ZNF528: variants seen among roughly 807,000 people sequenced by gnomAD.
The protein encoded by ZNF528 is zinc finger protein 528.
Under a neutral mutation model 13.3 loss-of-function variants are expected in ZNF528, and 9 were observed. The ratio of observed to expected loss-of-function variants is 0.67; its 90% CI spans 0.41 to 1.18. The LOEUF is 1.18. Ranked by LOEUF, ZNF528 falls within the 50% of genes most tolerant of loss-of-function variation. The probability of loss-of-function intolerance (pLI) is 0.01; values close to 1 mark genes in which losing one functional copy is unlikely to be tolerated. For missense variants in ZNF528, 858 were observed against 745.4 expected (o/e 1.15, Z -1.76); for synonymous variants, 264 against 254.3 (o/e 1.04, Z -0.36).
At chr19:52,415,082 A>G in intron 6 of ZNF528, 42 bp from the exon 7 acceptor site, 2 of 1,612,284 alleles carry the variant, frequency 1.2e-6, no homozygotes, top group Non-Finnish European at 1.7e-6. Context: ...TAAAGATGCC[A>G]TTATCATGGG....
intron 6 of ZNF528, 52 bp downstream of exon 6, chr19:52,406,695 A>G: frequency 6.4e-7 from 1 of 1,573,124 alleles, no homozygotes; most frequent in Non-Finnish European, 8.6e-7. Context: ...GTTTTTTGAG[A>G]CAGGGTCTAA....
Position 52,406,663 on chromosome 19 carries a change from G to T in ZNF528, c.271+20G>T. 1 of 1,599,134 alleles carries T rather than the reference G, an allele frequency of 6.3e-7. No homozygotes were observed. The highest frequency in any genetic ancestry group is 8.5e-7 in the Non-Finnish European group (1 of 1,175,114). ...ACACAGGTGAGAGCTCGGGTGGGCA[G>T]AGTGGAGGCCCCATAATTTTTGTTT... On this transcript the variant is annotated intron_variant, in intron 6 of 6. Coordinates refer to ENST00000360465, the MANE Select transcript of ZNF528 (RefSeq NM_032423.3).
At position 52,417,188 on chromosome 19, in the gene ZNF528, T is replaced by C; in HGVS notation, c.*449T>C. 3.9e-6 allele frequency: 1 copy of C among 254,556 alleles called. No individual in the cohort carries two copies. Among genetic ancestry groups the C allele is most frequent in the South Asian group, 4.5e-5 (1 of 22,148 alleles). The allele number at this position is 254,556 out of a possible 1,614,324, so 15.8% of individuals were successfully genotyped here. On this transcript the variant is annotated 3_prime_UTR_variant, in exon 7 of 7. Transcript: ENST00000360465. ...TACTTTACTCTTTGTGACTTCGAAATCTTTTCATGTGCCTTCCATACAGGC... is the reference window on the plus strand; with the variant it reads ...TACTTTACTCTTTGTGACTTCGAAACCTTTTCATGTGCCTTCCATACAGGC...
Position 52,401,930 on chromosome 19 carries a change from A to C in ZNF528, c.-67-17A>C. 6.2e-7 allele frequency: 1 copy of C among 1,611,604 alleles called. No homozygotes were observed. Among genetic ancestry groups the C allele is most frequent in the Non-Finnish European group, 8.5e-7 (1 of 1,178,520 alleles). ...ATGTTGATTCTAAGCCCTAAGCAGC[A>C]TATTTTTGACATTCAGGATTCACTT... On this transcript the variant is annotated splice_polypyrimidine_tract_variant and intron_variant, in intron 3 of 6. Transcript: ENST00000360465.
At chr19:52,400,649 G>A (rs1412450079) in intron 2 of ZNF528, among the ~76,000 whole-genome samples, 4 of 152,050 alleles carry the variant, frequency 2.6e-5, no homozygotes, top group Non-Finnish European at 5.9e-5. Flanking sequence ...AGCCTCCAGA[G>A]TAGATAGGAC....
chr19:52,405,867 G>T (rs374660359), intron 4 of ZNF528, 40 bp from the exon 5 acceptor site: 1 of 1,601,356 alleles, frequency 6.2e-7, no homozygotes, highest in Non-Finnish European at 8.5e-7. Context: ...GATGAGTACT[G>T]TGTGCATACC....
intron 4 of ZNF528, among the ~76,000 whole-genome samples, chr19:52,403,760 T>G (rs2058823435): frequency 6.6e-6 from 1 of 151,570 alleles, no homozygotes; most frequent in South Asian, 2.1e-4. Flanking sequence ...AGTGTGTAAG[T>G]GTGTACATGT....
At chr19:52,403,452 G>C (rs1317859689) in intron 4 of ZNF528, among the ~76,000 whole-genome samples, 1 of 152,040 alleles carries the variant, frequency 6.6e-6, no homozygotes, top group Non-Finnish European at 1.5e-5. Context: ...GAGAGGGTCA[G>C]GAGTTTGAAA....
intron 6 of ZNF528, chr19:52,412,891 A>T (rs1356478308): frequency 1.3e-5 from 2 of 152,206 alleles, no homozygotes; most frequent in African/African-American, 4.8e-5. Context: ...AAGAGCAATG[A>T]AGCTCAGTTC....
chr19:52,407,975 A>G (rs1217607356), intron 6 of ZNF528, among the ~76,000 whole-genome samples: 3 of 151,918 alleles, frequency 2.0e-5, no homozygotes, highest in African/African-American at 4.8e-5. Context: ...TAGCCTGCCA[A>G]AGTGCTTGGG....
intron 6 of ZNF528, among the ~76,000 whole-genome samples, chr19:52,409,140 A>T (rs2058897134): frequency 6.6e-6 from 1 of 152,128 alleles, no homozygotes; most frequent in African/African-American, 2.4e-5. Flanking sequence ...TCTGCTGGAA[A>T]ATATATATAA....
In ZNF528 at chr19:52,417,086, A is replaced by G; in HGVS notation, c.*347A>G. 3.9e-6 allele frequency: 1 copy of G among 255,764 alleles called. No individual in the cohort carries two copies. 15.8% of individuals were successfully genotyped at this position (255,764 alleles called of 1,614,324 possible). On this transcript the variant is annotated 3_prime_UTR_variant, in exon 7 of 7. Transcript: ENST00000360465. Reference sequence around the variant, plus strand: ...GAATCTCATGACCTGATGTATATCAAAGGTGCAACGGCTTGTAAATGACCA... The same window carrying G: ...GAATCTCATGACCTGATGTATATCAGAGGTGCAACGGCTTGTAAATGACCA...
rs2058756007 is a variant in ZNF528, at chr19:52,398,620, G to A, written c.-137+1G>A. 1.0e-6 allele frequency: 1 copy of A among 985,458 alleles called. No homozygotes were observed. The highest frequency in any genetic ancestry group is 1.2e-6 in the Non-Finnish European group (1 of 829,922). The allele number at this position is 985,458 out of a possible 1,614,324, so 61.0% of individuals were successfully genotyped here. A position where few individuals can be genotyped will look rare whatever the true frequency, so the allele number is the denominator to read the frequency against. On this transcript the variant is annotated splice_donor_variant, in intron 2 of 6. Coordinates refer to ENST00000360465, the MANE Select transcript of ZNF528 (RefSeq NM_032423.3). LOFTEE classifies it low-confidence loss of function (5UTR_SPLICE). ...CCATTAACAGAAGGCAAAGTAGAAG[G>A]TGAGTGAGGGGTTTGCAGAGGCACA...
chr19:52,407,705 G>A (rs2058875698), intron 6 of ZNF528, among the ~76,000 whole-genome samples: 1 of 152,142 alleles, frequency 6.6e-6, no homozygotes, highest in South Asian at 2.1e-4. Flanking sequence ...GAACCTAGGA[G>A]GTGGAGGTTG....
chr19:52,411,776 A>G (rs899648218), intron 6 of ZNF528: 2 of 152,126 alleles, frequency 1.3e-5, no homozygotes, highest in East Asian at 1.9e-4. Flanking sequence ...TTCATATCCC[A>G]TGTCCTTCAA....
chr19:52,415,448 C>G lies in ZNF528; in HGVS notation c.596C>G (p.Ala199Gly). 1 of 1,614,204 alleles carries G rather than the reference C, an allele frequency of 6.2e-7. No homozygotes were observed. The highest frequency in any genetic ancestry group is 8.5e-7 in the Non-Finnish European group (1 of 1,180,032). ...CACGGCCAAGTCTTTAGAGCATCTG[C>G]AAGCCTTACTAACCAAGTAATCCAT... ...NEHGQVFRAS[A>G]SLTNQVIHNA... Residue 199 changes from alanine to glycine, a missense_variant, in exon 7 of 7, where the codon GCA (alanine) becomes GGA (glycine). By Grantham distance (60) the Ala-to-Gly change is moderately conservative. Coordinates refer to ENST00000360465, the MANE Select transcript of ZNF528 (RefSeq NM_032423.3).
chr19:52,398,717 A>G, intron 2 of ZNF528, 98 bp downstream of exon 2: 1 of 638,394 alleles, frequency 1.6e-6, no homozygotes. Flanking sequence ...CTGGGTCTGT[A>G]GAAAGACGAA....
chr19:52,418,358 A>G lies in ZNF528; in HGVS notation c.*1619A>G, dbSNP rs1229054463. The G allele has an allele frequency of 6.6e-6, 1 of 152,216 alleles. No homozygotes were observed. The highest frequency in any genetic ancestry group is 1.5e-5 in the Non-Finnish European group (1 of 68,042). 9.4% of individuals were successfully genotyped at this position (152,216 alleles called of 1,614,324 possible). A position where few individuals can be genotyped will look rare whatever the true frequency, so the allele number is the denominator to read the frequency against. On this transcript the variant is annotated 3_prime_UTR_variant, in exon 7 of 7. Transcript: ENST00000360465. Reference sequence around the variant, plus strand: ...GTTGCAACCATTTGATTTAGAATGTATGCAGCTCTCATGTTTGTAGTAATA... The same window carrying G: ...GTTGCAACCATTTGATTTAGAATGTGTGCAGCTCTCATGTTTGTAGTAATA...
rs162122 is a variant in ZNF528, at chr19:52,414,387, G to A, written c.272-737G>A. The stretch of plus-strand genomic sequence containing the variant: ...GACAAAGGTGTATATTTGGAAGAAG[G>A]GGTCAGGGGGCTCCTTCTAGTGAAC... On this transcript the variant is annotated intron_variant, in intron 6 of 6. Transcript: ENST00000360465. 5,297 of 693,508 alleles carry A rather than the reference G, an allele frequency of 7.6e-3. 158 individuals carry two copies. Among genetic ancestry groups the A allele is most frequent in the African/African-American group, 0.075 (4,274 of 56,988 alleles). The allele number at this position is 693,508 out of a possible 1,614,324, so 43.0% of individuals were successfully genotyped here. A position where few individuals can be genotyped will look rare whatever the true frequency, so the allele number is the denominator to read the frequency against.
Sources: allele counts gnomAD v4.1 joint callset (sites outside exome capture counted in the v4.1 genomes callset), GRCh38; gene constraint gnomAD v4.1.1; transcripts MANE v1.5; gene names NCBI Gene and HGNC (gene_info 2026-07-23, HGNC 2026-07-21).